Variants in GNG2 observed in about 807,000 individuals in gnomAD.
GNG2 encodes the protein G protein subunit gamma 2.
A neutral mutation model predicts 5.5 loss-of-function variants in GNG2; 5 were observed. The observed-to-expected ratio is 0.91, with a 90% confidence interval of 0.48 to 1.92. GNG2 has a LOEUF of 1.92. Ranked by LOEUF, GNG2 falls within the 30% of genes most tolerant of loss-of-function variation. The pLI, the probability that GNG2 is intolerant of heterozygous loss-of-function variation, is 0.01. For synonymous variants in GNG2, 28 were observed against 32.0 expected, an observed-to-expected ratio of 0.88 and a Z score of 0.42; for missense variants, 55 against 88.4, an observed-to-expected ratio of 0.62 and a Z score of 1.52.
intron 2 of GNG2, among the ~76,000 whole-genome samples, chr14:51,890,594 A>G (rs987037511): frequency 6.6e-6 from 1 of 152,226 alleles, no homozygotes; most frequent in African/African-American, 2.4e-5. Flanking sequence ...ACAACAAAAA[A>G]TTCCATAAGA....
chr14:51,856,554 T>G (rs550200117), upstream of GNG2, among the ~76,000 whole-genome samples: 1 of 152,198 alleles, frequency 6.6e-6, no homozygotes, highest in African/African-American at 2.4e-5. Flanking sequence ...TGCCTCAGCC[T>G]CCTGAGTAGT....
In GNG2 at chr14:51,969,003, C is replaced by T. The variant is rs1354766444; in HGVS notation, c.*2316C>T. ...TGTCTTACAGTATGGAATTATAATA[C>T]GAAAATCTTTATATGAGTTTTGGCT... On this transcript the variant is annotated 3_prime_UTR_variant, in exon 4 of 4. Coordinates refer to ENST00000556766, the MANE Select transcript of GNG2 (RefSeq NM_053064.5). 2 of 152,046 alleles carry T rather than the reference C, an allele frequency of 1.3e-5. No individual in the cohort carries two copies. Among genetic ancestry groups the T allele is most frequent in the African/African-American group, 2.4e-5 (1 of 41,408 alleles). The allele number at this position is 152,046 out of a possible 1,614,324, so 9.4% of individuals were successfully genotyped here.
chr14:51,867,611 C>A (rs1208283503), intron 1 of GNG2, among the ~76,000 whole-genome samples: 1 of 152,170 alleles, frequency 6.6e-6, no homozygotes, highest in African/African-American at 2.4e-5. Context: ...TTAGTTGAGG[C>A]CCTCCTAACC....
At chr14:51,907,798 C>T (rs1473749961) in intron 2 of GNG2, among the ~76,000 whole-genome samples, 2 of 152,144 alleles carry the variant, frequency 1.3e-5, no homozygotes, top group African/African-American at 2.4e-5. Flanking sequence ...GTGGTATCCT[C>T]CTGAGGAGAG....
chr14:51,947,121 A>G (rs1412101939), intron 2 of GNG2, among the ~76,000 whole-genome samples: 1 of 152,114 alleles, frequency 6.6e-6, no homozygotes, highest in African/African-American at 2.4e-5. Context: ...CTGCATTTCT[A>G]GACTACTGCC....
chr14:51,966,425 G>A, intron 3 of GNG2, 134 bp from the exon 4 acceptor site: 1 of 742,808 alleles, frequency 1.3e-6, no homozygotes, highest in Non-Finnish European at 2.3e-6. Flanking sequence ...AGATGAGGAA[G>A]CAGAAGCTTT....
intron 2 of GNG2, among the ~76,000 whole-genome samples, chr14:51,888,867 A>G (rs552338157): frequency 6.6e-6 from 1 of 152,306 alleles, no homozygotes; most frequent in South Asian, 2.1e-4. Context: ...GTATCTATAC[A>G]ATGGATTATT....
rs1305094021 is a variant in GNG2 at position 51,968,020 on chromosome 14, T to G, written c.*1333T>G. ...ACGAGGAAGAGTTCTGGCTCTTTTGTCCACTGAGATGGTCTTGGTTTTTCA... is the reference window on the plus strand; with the variant it reads ...ACGAGGAAGAGTTCTGGCTCTTTTGGCCACTGAGATGGTCTTGGTTTTTCA... On this transcript the variant is annotated 3_prime_UTR_variant, in exon 4 of 4. Transcript: ENST00000556766. 6.6e-6 allele frequency: 1 copy of G among 152,224 alleles called. No homozygotes were observed. Among genetic ancestry groups the G allele is most frequent in the East Asian group, 1.9e-4 (1 of 5,198 alleles). 9.4% of individuals were successfully genotyped at this position (152,224 alleles called of 1,614,324 possible).
intron 2 of GNG2, among the ~76,000 whole-genome samples, chr14:51,840,732 T>C (rs1881461099): frequency 6.6e-6 from 1 of 152,224 alleles, no homozygotes; most frequent in Non-Finnish European, 1.5e-5. Context: ...ACCAGGACAG[T>C]AGCCAGACCT....
intron 1 of GNG2, among the ~76,000 whole-genome samples, chr14:51,866,718 A>T (rs749556485): frequency 6.6e-6 from 1 of 152,180 alleles, no homozygotes; most frequent in Non-Finnish European, 1.5e-5. Context: ...CTCTCTTATA[A>T]GGGCACTAAT....
intron 2 of GNG2, among the ~76,000 whole-genome samples, chr14:51,946,751 C>CG (rs1888666632): frequency 6.6e-6 from 1 of 152,116 alleles, no homozygotes; most frequent in South Asian, 2.1e-4. Context: ...TCCCCCACTA[C>CG]GTGACTCTAA....
At chr14:51,834,492 G>C (rs147825453) in intron 2 of GNG2, among the ~76,000 whole-genome samples, 76 of 152,364 alleles carry the variant, frequency 5.0e-4, no homozygotes, top group African/African-American at 1.8e-3. Context: ...CCAGGTGGCA[G>C]ATGAAAGGCT....
intron 2 of GNG2, among the ~76,000 whole-genome samples, chr14:51,885,102 A>G (rs1209807063): frequency 1.3e-5 from 2 of 152,192 alleles, no homozygotes; most frequent in Non-Finnish European, 2.9e-5. Context: ...AATCCAGTCC[A>G]TGTGAGCCAA....
intron 2 of GNG2, among the ~76,000 whole-genome samples, chr14:51,910,389 A>G (rs1249747896): frequency 1.3e-5 from 2 of 152,212 alleles, no homozygotes; most frequent in Non-Finnish European, 2.9e-5. Context: ...AGGCTGAAGA[A>G]GGAGCTGGAA....
chr14:51,916,117 TAA>T (rs1199559157), intron 2 of GNG2: 2 of 199,050 alleles, frequency 1.0e-5, no homozygotes, highest in African/African-American at 4.8e-5. Context: ...ACCAAAAGAA[TAA>T]AGAATTATTG....
chr14:51,905,931 C>T (rs756901733), intron 2 of GNG2, among the ~76,000 whole-genome samples: 7 of 152,208 alleles, frequency 4.6e-5, no homozygotes, highest in African/African-American at 7.2e-5. Flanking sequence ...CCTGAGGCCT[C>T]CCCAGCCGTG....
chr14:51,923,920 C>T (rs973225551), intron 2 of GNG2, among the ~76,000 whole-genome samples: 6 of 152,110 alleles, frequency 3.9e-5, no homozygotes, highest in Admixed American at 6.6e-5. Context: ...TCAGCAGGAA[C>T]GGGCAACAAA....
chr14:51,931,943 G>A (rs1887680437), intron 2 of GNG2, among the ~76,000 whole-genome samples: 2 of 152,074 alleles, frequency 1.3e-5, no homozygotes, highest in Non-Finnish European at 2.9e-5. Flanking sequence ...ATGTCCATCA[G>A]TGGATGAATA....
chr14:51,907,672 G>C (rs1280293601), intron 2 of GNG2, among the ~76,000 whole-genome samples: 3 of 152,198 alleles, frequency 2.0e-5, no homozygotes, highest in Non-Finnish European at 2.9e-5. Flanking sequence ...AGAAAAGGTA[G>C]AAGTCTTTTT....
Sources: gnomAD v4.1 joint callset for allele counts (sites outside exome capture counted in the v4.1 genomes callset) on GRCh38, gnomAD v4.1.1 for gene constraint, MANE v1.5 for transcripts, NCBI Gene and HGNC (gene_info 2026-07-23, HGNC 2026-07-21) for gene names.